BICRA: variants seen among roughly 807,000 people sequenced by gnomAD.
The protein encoded by BICRA is BRD4-interacting chromatin-remodeling complex-associated protein.
BICRA carries 31 observed loss-of-function variants against 96.9 expected under a neutral mutation model. The observed-to-expected ratio is 0.32, with a 90% CI of 0.24 to 0.43. The LOEUF (loss-of-function observed/expected upper bound fraction) is 0.43. Among genes scored for constraint, BICRA ranks in the 20% least tolerant of loss-of-function variants. The pLI is 1.00. For synonymous variants in BICRA, 1,350 were observed against 1,071.8 expected (o/e 1.26, Z -5.07); for missense variants, 2,283 against 2,190.3 (o/e 1.04, Z -0.84).
In BICRA at chr19:47,701,930, GCGCCGGAGGGGA is replaced by G; in HGVS notation, c.4203_4214del (p.Glu1402_Pro1405del). ...CCGCGAGAACGTGGGGGGCCCTGGC[GCGCCGGAGGGGA>G]CGCCCGCAGGCAGGGCACGGGGAGG... is the stretch of plus-strand genomic sequence containing the variant. On this transcript the variant is annotated inframe_deletion, in exon 15 of 15. Transcript: ENST00000594866. This position sits in a 1 kb window ranked among gnomAD's most constrained non-coding sequence, Gnocchi z 5.4. The G allele has an allele frequency of 7.0e-7, 1 of 1,431,414 alleles. No individual in the cohort carries two copies. Among genetic ancestry groups the G allele is most frequent in the South Asian group, 1.4e-5 (1 of 71,448 alleles). 88.7% of individuals were successfully genotyped at this position (1,431,414 alleles called of 1,614,324 possible). A position where few individuals can be genotyped will look rare whatever the true frequency, so the allele number is the denominator to read the frequency against.
chr19:47,635,121 G>T (rs2123527699), intron 1 of BICRA, among the ~76,000 whole-genome samples: 1 of 152,230 alleles, frequency 6.6e-6, no homozygotes, highest in South Asian at 2.1e-4. Flanking sequence ...AATGTTAGCT[G>T]CTGTTATTAT....
In BICRA at chr19:47,702,394, C is replaced by T. The variant is rs1382129707; in HGVS notation, c.4662C>T (p.Gly1554=). 1.2e-5 allele frequency: 18 copies of T among 1,516,220 alleles called. No individual in the cohort carries two copies. The highest frequency in any genetic ancestry group is 2.6e-5 in the East Asian group (1 of 38,476). The allele number at this position is 1,516,220 out of a possible 1,614,324, so 93.9% of individuals were successfully genotyped here. ...CCTCCAGTCACAACGGTGGCCTCGG[C>T]GCCAGGACGTTGACCAGATAACACC... ...YPPSSHNGGL[G]ARTLTR is the part of the protein sequence containing the mutation. Residue 1554 remains glycine, a synonymous_variant, in exon 15 of 15, where the codon GGC becomes GGT. Coordinates refer to ENST00000594866, the MANE Select transcript of BICRA (RefSeq NM_001394372.1).
Position 47,679,413 on chromosome 19 carries a change from C to T in BICRA, c.243C>T (p.Ile81=). The part of the protein sequence containing the change: ...SVDLDFLEDD[I]LGSPATGGGG... Reference sequence around the variant, plus strand: ...ACCTAGACTTCCTGGAAGATGACATCCTGGGCTCTCCTGCGACAGGGGGCG... The same window carrying T: ...ACCTAGACTTCCTGGAAGATGACATTCTGGGCTCTCCTGCGACAGGGGGCG... The change falls in exon 6 of 15, where the codon ATC becomes ATT. Residue 81 remains isoleucine, a synonymous_variant. Coordinates refer to ENST00000594866, the MANE Select transcript of BICRA (RefSeq NM_001394372.1). 1 of 1,480,308 alleles carries T rather than the reference C, an allele frequency of 6.8e-7. No individual in the cohort carries two copies. Among genetic ancestry groups the T allele is most frequent in the Non-Finnish European group, 9.0e-7 (1 of 1,112,742 alleles). 91.7% of individuals were successfully genotyped at this position (1,480,308 alleles called of 1,614,324 possible). A position where few individuals can be genotyped will look rare whatever the true frequency, so the allele number is the denominator to read the frequency against.
chr19:47,653,988 G>A (rs1039253902), intron 1 of BICRA, among the ~76,000 whole-genome samples: 10 of 152,114 alleles, frequency 6.6e-5, no homozygotes, highest in East Asian at 3.9e-4. Flanking sequence ...GTGAGCCACC[G>A]CACCCAGCCT....
intron 1 of BICRA, among the ~76,000 whole-genome samples, chr19:47,625,031 A>C: frequency 1.8e-5 from 2 of 112,670 alleles, no homozygotes; most frequent in Admixed American, 1.4e-4. Context: ...ACAGAGTCTC[A>C]CTCTGTTGCC....
Position 47,698,420 on chromosome 19 carries a change from T to C in BICRA, c.3249-214T>C, listed in dbSNP as rs182836103. Among the ~76,000 whole-genome samples the C allele has an allele frequency of 4.6e-5, 7 of 152,234 alleles. No individual in the cohort carries two copies. In the East Asian group the frequency reaches 1.4e-3, roughly 29 times the overall value. On this transcript the variant is annotated intron_variant, in intron 11 of 14. Coordinates refer to ENST00000594866, the MANE Select transcript of BICRA (RefSeq NM_001394372.1). The surrounding 1 kb of genome is among the most constrained non-coding windows in gnomAD (Gnocchi z 4.8). ...GACCTCACCTTCCCTTTCTGTAAAA[T>C]GGGGATAGCGATAGCACTGCTTTGG...
rs1013381999 is a variant in BICRA at position 47,680,803 on chromosome 19, G to C, written c.1633G>C (p.Ala545Pro). ...CCACAGCGCGCACATCCTCTCCGCC[G>C]CTCCCATCCAGGTGGGCCAGCCTGC... ...GAHSAHILSA[A>P]PIQVGQPALF... The change falls in exon 6 of 15, where the codon GCT becomes CCT. Residue 545 changes from alanine to proline, a missense_variant. Ala to Pro is a conservative substitution (Grantham distance 27). Coordinates refer to ENST00000594866, the MANE Select transcript of BICRA (RefSeq NM_001394372.1). The C allele has an allele frequency of 6.2e-7, 1 of 1,608,074 alleles. No individual in the cohort carries two copies. The highest frequency in any genetic ancestry group is 1.1e-5 in the South Asian group (1 of 90,860).
At position 47,681,333 on chromosome 19, in the gene BICRA, G is replaced by A. The variant is rs7247389; in HGVS notation, c.2106+57G>A. 3,014 of 1,454,652 alleles carry A rather than the reference G, an allele frequency of 2.1e-3. 70 individuals carry two copies. The African/African-American group carries it at 0.038, about 18-fold the overall frequency. 90.1% of individuals were successfully genotyped at this position (1,454,652 alleles called of 1,614,324 possible). On this transcript the variant is annotated intron_variant, in intron 6 of 14. Transcript: ENST00000594866. ...GGAGGAGGCGGGTTTGGGAGGAAGA[G>A]GGGTCCTGGGGCGAGGCGCCAAGAT...
At chr19:47,690,106 A>G (rs895757392) in intron 7 of BICRA, among the ~76,000 whole-genome samples, 2 of 151,908 alleles carry the variant, frequency 1.3e-5, no homozygotes, top group Non-Finnish European at 2.9e-5. Flanking sequence ...GGTTCAAGCA[A>G]TTCTCCTGAC....
chr19:47,645,175 C>G (rs1244071102), intron 1 of BICRA, among the ~76,000 whole-genome samples: 1 of 152,214 alleles, frequency 6.6e-6, no homozygotes, highest in Admixed American at 6.5e-5. Context: ...ACGCCAGTTG[C>G]ATTTACTTGT....
At chr19:47,615,261 C>T (rs544990209) in intron 1 of BICRA, among the ~76,000 whole-genome samples, 58 of 152,354 alleles carry the variant, frequency 3.8e-4, no homozygotes, top group African/African-American at 1.3e-3. Context: ...GGATTACAGG[C>T]GTGAGCCACC....
chr19:47,675,626 G>A lies in BICRA; in HGVS notation c.85-225G>A, dbSNP rs1418291603. ...CAGTCACAGCAGGATCGCTTCGCAG[G>A]CCAGGCTCGGGGACTCAGTGCTGGG... On this transcript the variant is annotated intron_variant, in intron 4 of 14. Transcript: ENST00000594866. The surrounding 1 kb of genome is among the most constrained non-coding windows in gnomAD (Gnocchi z 4.7). Among the ~76,000 whole-genome samples, 1 of 152,234 alleles carries A rather than the reference G, an allele frequency of 6.6e-6. No homozygotes were observed. Among genetic ancestry groups the A allele is most frequent in the African/African-American group, 2.4e-5 (1 of 41,464 alleles).
chr19:47,679,191 A>G (rs1253850421), intron 5 of BICRA, 130 bp from the exon 6 acceptor site: 1 of 564,240 alleles, frequency 1.8e-6, no homozygotes, highest in Non-Finnish European at 2.9e-6. Context: ...GTGAACCACC[A>G]TGCCAGGAGG....
intron 5 of BICRA, chr19:47,679,010 C>G (rs181974070): frequency 3.9e-6 from 1 of 256,142 alleles, no homozygotes; most frequent in East Asian, 7.1e-5. Context: ...CAGTGATCCT[C>G]TCACCTCAGC....
chr19:47,609,843 C>T (rs954263771), intron 1 of BICRA, among the ~76,000 whole-genome samples: 1 of 152,084 alleles, frequency 6.6e-6, no homozygotes, highest in African/African-American at 2.4e-5. Flanking sequence ...CGGGGCTCCC[C>T]CCTTCGCACC....
chr19:47,698,876 C>A lies in BICRA; in HGVS notation c.3398-89C>A. On this transcript the variant is annotated intron_variant, in intron 12 of 14. Transcript: ENST00000594866. The surrounding 1 kb of genome is among the most constrained non-coding windows in gnomAD (Gnocchi z 4.8). ...AGTGTGGAGCCGCAGGTCCACGGTG[C>A]GCTATGCTGACCCTGCCCCGCCCTC... 1.5e-6 allele frequency: 2 copies of A among 1,333,818 alleles called. No homozygotes were observed. Among genetic ancestry groups the A allele is most frequent in the Non-Finnish European group, 2.1e-6 (2 of 949,698 alleles). 82.6% of individuals were successfully genotyped at this position (1,333,818 alleles called of 1,614,324 possible).
intron 1 of BICRA, among the ~76,000 whole-genome samples, chr19:47,654,230 A>G (rs1364180988): frequency 2.0e-5 from 3 of 151,998 alleles, no homozygotes; most frequent in Non-Finnish European, 4.4e-5. Context: ...GAGCTATCCT[A>G]ATGGATGCGA....
chr19:47,695,171 G>C, intron 9 of BICRA, 91 bp downstream of exon 9: 1 of 894,902 alleles, frequency 1.1e-6, no homozygotes, highest in Admixed American at 2.8e-5. Context: ...GGGCAGGGCT[G>C]TGGGACTCAG....
intron 1 of BICRA, among the ~76,000 whole-genome samples, chr19:47,643,144 A>G (rs562467618): frequency 6.6e-6 from 1 of 152,184 alleles, no homozygotes; most frequent in Admixed American, 6.5e-5. Flanking sequence ...TAATTTTTGT[A>G]TTTTTTGTAA....
Sources: allele counts gnomAD v4.1 joint callset (sites outside exome capture counted in the v4.1 genomes callset), GRCh38; gene constraint gnomAD v4.1.1; non-coding constraint Gnocchi (gnomAD v3.1); transcripts MANE v1.5; gene names NCBI Gene and HGNC (gene_info 2026-07-23, HGNC 2026-07-21).